RORB: variants seen among roughly 807,000 people sequenced by gnomAD.
RORB encodes the protein RAR related orphan receptor B, also known as nuclear receptor ROR-beta.
RORB carries 6 observed loss-of-function variants against 59.1 expected under a neutral mutation model. The ratio of observed to expected loss-of-function variants is 0.10; its 90% CI spans 0.06 to 0.20. RORB has a LOEUF of 0.20. Among genes scored for constraint, RORB ranks in the 10% least tolerant of loss-of-function variants. RORB has a pLI of 1.00. For synonymous variants in RORB, 215 were observed against 204.5 expected (o/e 1.05, Z -0.44); for missense variants, 320 against 560.5 (o/e 0.57, Z 4.33).
At chr9:74,564,876 G>C (rs1030406344) in intron 1 of RORB, among the ~76,000 whole-genome samples, 1 of 152,194 alleles carries the variant, frequency 6.6e-6, no homozygotes, top group Non-Finnish European at 1.5e-5. Flanking sequence ...CAGAAGCTTA[G>C]GCTTGGGTTG....
intron 1 of RORB, among the ~76,000 whole-genome samples, chr9:74,601,267 TC>T (rs543090879): frequency 6.6e-6 from 1 of 151,702 alleles, no homozygotes; most frequent in Non-Finnish European, 1.5e-5. Flanking sequence ...TTAAGGCACA[TC>T]ACATCAAGAA....
chr9:74,498,231 T>G, intron 1 of RORB: 2 of 592,632 alleles, frequency 3.4e-6, no homozygotes, highest in Non-Finnish European at 3.0e-6. Context: ...GACAGGCTAG[T>G]TGGTTCTTAC....
chr9:74,653,347 A>G (rs1824026065), intron 4 of RORB, among the ~76,000 whole-genome samples: 1 of 152,320 alleles, frequency 6.6e-6, no homozygotes, highest in South Asian at 2.1e-4. Flanking sequence ...AGTATAAACT[A>G]AACAGAGAAT....
intron 1 of RORB, among the ~76,000 whole-genome samples, chr9:74,576,470 G>A (rs1234300030): frequency 1.9e-5 from 2 of 103,506 alleles, no homozygotes; most frequent in African/African-American, 3.6e-5. Flanking sequence ...AGAAAGAGAA[G>A]GGAATTCAAG....
intron 1 of RORB, among the ~76,000 whole-genome samples, chr9:74,599,407 T>C (rs1006322153): frequency 6.6e-6 from 1 of 152,068 alleles, no homozygotes; most frequent in Non-Finnish European, 1.5e-5. Flanking sequence ...GAATGAGTAA[T>C]ATAGACACAT....
At chr9:74,601,986 A>G (rs902774566) in intron 1 of RORB, among the ~76,000 whole-genome samples, 1 of 152,210 alleles carries the variant, frequency 6.6e-6, no homozygotes, top group African/African-American at 2.4e-5. Context: ...TCACACGGTC[A>G]GCAGAACGGT....
intron 2 of RORB, among the ~76,000 whole-genome samples, chr9:74,630,816 C>A: frequency 9.0e-6 from 1 of 110,958 alleles, no homozygotes. Context: ...CCTTTATTCT[C>A]AAGTTACAGG....
intron 1 of RORB, among the ~76,000 whole-genome samples, chr9:74,601,510 T>C (rs2118324233): frequency 6.6e-6 from 1 of 152,222 alleles, no homozygotes; most frequent in South Asian, 2.1e-4. Flanking sequence ...AGATATTTTA[T>C]GCATAAACAA....
chr9:74,600,631 T>G (rs1389003159), intron 1 of RORB, among the ~76,000 whole-genome samples: 1 of 152,188 alleles, frequency 6.6e-6, no homozygotes, highest in Non-Finnish European at 1.5e-5. Context: ...AGATTTGGTA[T>G]AGTTTTCTTA....
At chr9:74,558,147 C>T (rs1799943974) in intron 1 of RORB, among the ~76,000 whole-genome samples, 2 of 151,920 alleles carry the variant, frequency 1.3e-5, no homozygotes, top group Admixed American at 6.6e-5. Context: ...ATATTTTTCC[C>T]ATACTGTGAA....
rs59650096 is a variant in RORB at position 74,561,992 on chromosome 9, C to T, written c.7+64009C>T. On this transcript the variant is annotated intron_variant, in intron 1 of 9. Coordinates refer to ENST00000376896, the MANE Select transcript of RORB (RefSeq NM_006914.4). ...ATATCTTCATGAGTAGATTGTTTAT[C>T]TGCATTTTTGGCCAGAATATCATAA... Among the ~76,000 whole-genome samples the T allele has an allele frequency of 4.1e-3, 626 of 152,252 alleles. 5 individuals carry two copies. Among genetic ancestry groups the T allele is most frequent in the African/African-American group, 0.015 (607 of 41,546 alleles).
Position 74,630,349 on chromosome 9 carries a change from C to T in RORB, c.75C>T (p.Ile25=), listed in dbSNP as rs41307459. 7,909 of 1,612,784 alleles carry T rather than the reference C, an allele frequency of 4.9e-3. 39 individuals carry two copies. Among genetic ancestry groups the T allele is most frequent in the Non-Finnish European group, 5.0e-3 (5,919 of 1,179,138 alleles). ...CCTCTGGGATCCACTACGGAGTCATCACATGTGAAGGCTGCAAGGTATGGG... is the reference window on the plus strand; with the variant it reads ...CCTCTGGGATCCACTACGGAGTCATTACATGTGAAGGCTGCAAGGTATGGG... ...DKSSGIHYGV[I]TCEGCKGFFR... is the part of the protein sequence containing the mutation. The change falls in exon 2 of 10, where the codon ATC becomes ATT. Residue 25 remains isoleucine, a synonymous_variant. Coordinates refer to ENST00000376896, the MANE Select transcript of RORB (RefSeq NM_006914.4).
At chr9:74,498,326 A>T in intron 1 of RORB, 3 of 348,088 alleles carry the variant, frequency 8.6e-6, no homozygotes, top group African/African-American at 2.1e-5. Flanking sequence ...CGAAAGAGGG[A>T]TGCCTCTGGA....
At chr9:74,512,936 G>A (rs1355011230) in intron 1 of RORB, among the ~76,000 whole-genome samples, 1 of 152,144 alleles carries the variant, frequency 6.6e-6, no homozygotes, top group Non-Finnish European at 1.5e-5. Flanking sequence ...TTGAAATATT[G>A]ATTTTGATGC....
chr9:74,670,326 C>G (rs1824327596), intron 8 of RORB, among the ~76,000 whole-genome samples: 1 of 152,172 alleles, frequency 6.6e-6, no homozygotes, highest in East Asian at 1.9e-4. Flanking sequence ...GAAAGAGTCA[C>G]TTTTCTCTTT....
chr9:74,507,867 G>C (rs529218730), intron 1 of RORB, among the ~76,000 whole-genome samples: 1 of 152,108 alleles, frequency 6.6e-6, no homozygotes, highest in South Asian at 2.1e-4. Flanking sequence ...CACAGTTGTT[G>C]AGTATGAGCA....
chr9:74,671,964 C>A, intron 9 of RORB, 63 bp downstream of exon 9: 1 of 840,372 alleles, frequency 1.2e-6, no homozygotes, highest in South Asian at 1.8e-5. Flanking sequence ...AAAAGGACTG[C>A]TTATAAATCA....
rs1824730421 is a variant in RORB, at chr9:74,690,882, T to C, written c.*5264T>C. ...TCATAGAGCCAGGGGGCTGGATTTC[T>C]TGCCACTTTTTTTCTGAAAGGCAAA... On this transcript the variant is annotated 3_prime_UTR_variant, in exon 10 of 10. Transcript: ENST00000376896. 1 of 152,264 alleles carries C rather than the reference T, an allele frequency of 6.6e-6. No individual in the cohort carries two copies. The highest frequency in any genetic ancestry group is 1.5e-5 in the Non-Finnish European group (1 of 68,054). The allele number at this position is 152,264 out of a possible 1,614,324, so 9.4% of individuals were successfully genotyped here.
intron 1 of RORB, among the ~76,000 whole-genome samples, chr9:74,552,329 A>G (rs927398962): frequency 6.6e-6 from 1 of 152,096 alleles, no homozygotes; most frequent in Non-Finnish European, 1.5e-5. Context: ...TAACATAATG[A>G]TTAAGAACAC....
Sources: gnomAD v4.1 joint callset for allele counts (sites outside exome capture counted in the v4.1 genomes callset) on GRCh38, gnomAD v4.1.1 for gene constraint, MANE v1.5 for transcripts, NCBI Gene and HGNC (gene_info 2026-07-23, HGNC 2026-07-21) for gene names.